Variants in MYOZ2 observed in about 807,000 individuals in gnomAD.
The protein encoded by MYOZ2 is myozenin-2.
MYOZ2 carries 19 observed loss-of-function variants against 25.4 expected under a neutral mutation model. That is an observed-to-expected ratio of 0.75 (90% confidence interval 0.52 to 1.10). The LOEUF is 1.10. Ranked by LOEUF, MYOZ2 falls within the 50% of genes least tolerant of loss-of-function variation. MYOZ2 has a pLI of 0.00. For missense variants in MYOZ2, 270 were observed against 317.9 expected (o/e 0.85, Z 1.15); for synonymous variants, 92 against 106.9 (o/e 0.86, Z 0.86).
chr4:119,153,465 G>A (rs1204234483), intron 3 of MYOZ2, among the ~76,000 whole-genome samples: 1 of 152,032 alleles, frequency 6.6e-6, no homozygotes, highest in Non-Finnish European at 1.5e-5. Flanking sequence ...AAAGATAAGA[G>A]AGCTTTTATT....
intron 5 of MYOZ2, among the ~76,000 whole-genome samples, chr4:119,168,858 TA>T (rs1355684833): frequency 6.6e-6 from 1 of 152,210 alleles, no homozygotes; most frequent in African/African-American, 2.4e-5. Flanking sequence ...ACTTAGTTGA[TA>T]AGGCAGTAGC....
At chr4:119,141,513 G>A (rs1741158225) in intron 2 of MYOZ2, among the ~76,000 whole-genome samples, 1 of 152,106 alleles carries the variant, frequency 6.6e-6, no homozygotes, top group Non-Finnish European at 1.5e-5. Flanking sequence ...CTCCCGAGTA[G>A]CTGGAATTAC....
intron 3 of MYOZ2, among the ~76,000 whole-genome samples, chr4:119,155,016 G>T (rs2149222621): frequency 6.6e-6 from 1 of 152,192 alleles, no homozygotes; most frequent in Admixed American, 6.6e-5. Flanking sequence ...ATCAGCACCT[G>T]CTTCTGGTAA....
intron 5 of MYOZ2, among the ~76,000 whole-genome samples, chr4:119,179,886 CCA>C (rs1742153489): frequency 6.6e-6 from 1 of 152,212 alleles, no homozygotes; most frequent in African/African-American, 2.4e-5. Flanking sequence ...GGGCACTAAT[CCA>C]TTCATGAGGG....
chr4:119,171,561 A>G (rs987809395), intron 5 of MYOZ2, among the ~76,000 whole-genome samples: 3 of 151,810 alleles, frequency 2.0e-5, no homozygotes, highest in Admixed American at 6.6e-5. Flanking sequence ...TTTCAGGTAT[A>G]AAATAATTTT....
intron 4 of MYOZ2, among the ~76,000 whole-genome samples, chr4:119,159,615 G>C (rs754350983): frequency 5.3e-5 from 8 of 151,904 alleles, no homozygotes; most frequent in Non-Finnish European, 4.4e-5. Flanking sequence ...ATTTAAAATA[G>C]TTATATCTTG....
intron 2 of MYOZ2, among the ~76,000 whole-genome samples, chr4:119,139,453 A>G (rs1741111518): frequency 6.6e-6 from 1 of 152,176 alleles, no homozygotes; most frequent in Non-Finnish European, 1.5e-5. Context: ...GTCCCCACCC[A>G]TGAGCCTTGT....
intron 5 of MYOZ2, among the ~76,000 whole-genome samples, chr4:119,185,704 A>G (rs1742277718): frequency 6.6e-6 from 1 of 152,252 alleles, no homozygotes; most frequent in Non-Finnish European, 1.5e-5. Context: ...GGAATAGATT[A>G]GTCCAAAACT....
At chr4:119,157,906 T>C (rs1441393769) in intron 3 of MYOZ2, 116 bp from the exon 4 acceptor site, 2 of 1,294,816 alleles carry the variant, frequency 1.5e-6, no homozygotes, top group Admixed American at 1.9e-5. Context: ...CAGGAAGTAA[T>C]GAAGCGACAT....
chr4:119,162,576 C>A (rs953586083), intron 4 of MYOZ2, among the ~76,000 whole-genome samples: 1 of 152,182 alleles, frequency 6.6e-6, no homozygotes, highest in African/African-American at 2.4e-5. Context: ...TGTAGACCAC[C>A]TGCATAAGAT....
At chr4:119,157,920 A>G in intron 3 of MYOZ2, 102 bp from the exon 4 acceptor site, 1 of 1,426,984 alleles carries the variant, frequency 7.0e-7, no homozygotes, top group Non-Finnish European at 9.8e-7. Flanking sequence ...GCGACATTGC[A>G]TTTAAATTAT....
chr4:119,165,538 AAAAT>A (rs1741804761), intron 5 of MYOZ2, among the ~76,000 whole-genome samples: 1 of 152,008 alleles, frequency 6.6e-6, no homozygotes, highest in East Asian at 1.9e-4. Flanking sequence ...AAAATAAATA[AAAAT>A]AAATATTGTA....
intron 5 of MYOZ2, among the ~76,000 whole-genome samples, chr4:119,165,579 T>C (rs1219571835): frequency 6.6e-6 from 1 of 152,092 alleles, no homozygotes; most frequent in Non-Finnish European, 1.5e-5. Context: ...TTTTGCACAC[T>C]ACCATTATTA....
At chr4:119,137,230 G>A (rs927993439) in intron 2 of MYOZ2, among the ~76,000 whole-genome samples, 5 of 152,098 alleles carry the variant, frequency 3.3e-5, no homozygotes, top group East Asian at 1.9e-4. Context: ...TATATATTAC[G>A]TGCAAGGTAA....
At chr4:119,176,183 A>G (rs116665528) in intron 5 of MYOZ2, among the ~76,000 whole-genome samples, 214 of 152,346 alleles carry the variant, frequency 1.4e-3, no homozygotes, top group African/African-American at 4.9e-3. Flanking sequence ...CTAAGAAATC[A>G]GTAATTTGTT....
chr4:119,170,889 AT>A (rs1474134690), intron 5 of MYOZ2, among the ~76,000 whole-genome samples: 28 of 152,350 alleles, frequency 1.8e-4, no homozygotes, highest in Middle Eastern at 3.4e-3. Context: ...TGATTGTAAA[AT>A]AAAGACAATT....
intron 5 of MYOZ2, among the ~76,000 whole-genome samples, chr4:119,177,152 C>T (rs1443592959): frequency 6.6e-6 from 1 of 152,188 alleles, no homozygotes; most frequent in African/African-American, 2.4e-5. Flanking sequence ...AATCCCTTTG[C>T]TCACTATTTC....
At chr4:119,172,608 T>C (rs140423330) in intron 5 of MYOZ2, among the ~76,000 whole-genome samples, 13 of 152,266 alleles carry the variant, frequency 8.5e-5, no homozygotes, top group Middle Eastern at 3.4e-3. Context: ...AAGGAAAAAT[T>C]TGGGGAGGTT....
chr4:119,151,342 A>T (rs1741446442), intron 3 of MYOZ2, among the ~76,000 whole-genome samples: 1 of 152,168 alleles, frequency 6.6e-6, no homozygotes, highest in South Asian at 2.1e-4. Context: ...AAAAGTTTCC[A>T]TGGTCTTATC....
Sources: allele counts gnomAD v4.1 joint callset (sites outside exome capture counted in the v4.1 genomes callset), GRCh38; gene constraint gnomAD v4.1.1; transcripts MANE v1.5; gene names NCBI Gene and HGNC (gene_info 2026-07-23, HGNC 2026-07-21).